Variants in MATN2 observed in about 807,000 individuals in gnomAD.
The protein encoded by MATN2 is matrilin-2.
MATN2 carries 69 observed loss-of-function variants against 103.2 expected under a neutral mutation model. The ratio of observed to expected loss-of-function variants is 0.67; its 90% confidence interval spans 0.55 to 0.82. MATN2 has a LOEUF of 0.82. MATN2 is among the 40% of genes least tolerant of loss of function. The probability of loss-of-function intolerance (pLI) is 0.00; values close to 1 mark genes in which losing one functional copy is unlikely to be tolerated. For synonymous variants in MATN2, 429 were observed against 450.2 expected (o/e 0.95, Z 0.60); for missense variants, 1,023 against 1,211.5 (o/e 0.84, Z 2.31).
chr8:97,986,320 T>G (rs998855341), intron 6 of MATN2, among the ~76,000 whole-genome samples: 1 of 152,222 alleles, frequency 6.6e-6, no homozygotes, highest in Non-Finnish European at 1.5e-5. Flanking sequence ...TTCAATAGGT[T>G]TTTGGGGAGC....
chr8:97,973,862 CATAAACCATACCCAT>C (rs1184546137), intron 5 of MATN2, among the ~76,000 whole-genome samples: 1 of 151,952 alleles, frequency 6.6e-6, no homozygotes, highest in Admixed American at 6.6e-5. Flanking sequence ...ATCTTTTTTG[CATAAACCATACCCAT>C]AATGTGTTGT....
At chr8:97,936,207 A>C (rs1421875020) in intron 3 of MATN2, among the ~76,000 whole-genome samples, 3 of 152,282 alleles carry the variant, frequency 2.0e-5, no homozygotes, top group African/African-American at 7.2e-5. Flanking sequence ...AAAACATGGA[A>C]TCTATGGGCT....
chr8:98,023,306 T>C (rs1243567194), intron 13 of MATN2, among the ~76,000 whole-genome samples: 2 of 152,038 alleles, frequency 1.3e-5, no homozygotes, highest in Non-Finnish European at 2.9e-5. Context: ...TGAGTCCCAG[T>C]TTCCCCATCT....
At chr8:97,968,255 T>C (rs765440834) in intron 5 of MATN2, among the ~76,000 whole-genome samples, 1 of 152,206 alleles carries the variant, frequency 6.6e-6, no homozygotes, top group Non-Finnish European at 1.5e-5. Flanking sequence ...GGGTGCTGCC[T>C]AGAAGATCTC....
At chr8:97,935,676 C>A (rs1044065454) in intron 3 of MATN2, among the ~76,000 whole-genome samples, 4 of 151,906 alleles carry the variant, frequency 2.6e-5, no homozygotes, top group Non-Finnish European at 5.9e-5. Context: ...AAAAAAGAAA[C>A]AATGTCTTAC....
At chr8:97,974,917 A>G (rs2130299276) in intron 5 of MATN2, among the ~76,000 whole-genome samples, 1 of 152,312 alleles carries the variant, frequency 6.6e-6, no homozygotes, top group African/African-American at 2.4e-5. Flanking sequence ...CACTCCCAGA[A>G]CTTCTGATCA....
At chr8:97,958,146 T>C (rs929546124) in intron 4 of MATN2, among the ~76,000 whole-genome samples, 1 of 152,250 alleles carries the variant, frequency 6.6e-6, no homozygotes, top group African/African-American at 2.4e-5. Context: ...TCTTCCTCCA[T>C]TATTATAAAA....
chr8:97,915,376 T>C (rs1317870544), intron 2 of MATN2, among the ~76,000 whole-genome samples: 6 of 152,190 alleles, frequency 3.9e-5, no homozygotes, highest in Non-Finnish European at 8.8e-5. Context: ...GTTCTCATAC[T>C]CTATCCCTAG....
In MATN2 at chr8:97,982,297, A is replaced by G. The variant is rs1190604521; in HGVS notation, c.1081+3289A>G. Among the ~76,000 whole-genome samples the G allele has an allele frequency of 6.6e-6, 1 of 152,212 alleles. No homozygotes were observed. Among genetic ancestry groups the G allele is most frequent in the Non-Finnish European group, 1.5e-5 (1 of 68,042 alleles). ...GGACAAGAACTGAGAAATAGAGACT[A>G]GTTAAAATTACAGAAACAGGATAGA... On this transcript the variant is annotated intron_variant, in intron 6 of 18. Transcript: ENST00000254898. This position sits in a 1 kb window ranked among gnomAD's most constrained non-coding sequence, Gnocchi z 4.3.
chr8:98,032,428 G>T, intron 16 of MATN2, 111 bp downstream of exon 16: 2 of 783,232 alleles, frequency 2.6e-6, no homozygotes, highest in South Asian at 3.4e-5. Context: ...TTATGATAAT[G>T]AAGGCCTTTT....
chr8:97,936,786 C>T (rs1027129021), intron 3 of MATN2, among the ~76,000 whole-genome samples: 1 of 152,156 alleles, frequency 6.6e-6, no homozygotes, highest in African/African-American at 2.4e-5. Flanking sequence ...TGGCTCTCAC[C>T]GCAAAGGCCC....
At position 97,931,110 on chromosome 8, in the gene MATN2, A is replaced by G. The variant is rs1563674610; in HGVS notation, c.300A>G (p.Gln100=). ...GPDVTRVGLL[Q]YGSTVKNEFS... ...ATGTCACCCGAGTGGGCCTGCTCCAATATGGCAGCACTGTCAAGAATGAGT... is the reference window on the plus strand; with the variant it reads ...ATGTCACCCGAGTGGGCCTGCTCCAGTATGGCAGCACTGTCAAGAATGAGT... The change falls in exon 3 of 19, where the codon CAA becomes CAG. Residue 100 remains glutamine, a synonymous_variant. Coordinates refer to ENST00000254898, the MANE Select transcript of MATN2 (RefSeq NM_002380.5). The surrounding 1 kb of genome is among the most constrained non-coding windows in gnomAD (Gnocchi z 4.1). 1 of 1,614,006 alleles carries G rather than the reference A, an allele frequency of 6.2e-7. No homozygotes were observed. Among genetic ancestry groups the G allele is most frequent in the East Asian group, 2.2e-5 (1 of 44,888 alleles).
chr8:97,888,166 G>T lies in MATN2; in HGVS notation c.66G>T (p.Glu22Asp), dbSNP rs534833968. The T allele has an allele frequency of 4.4e-6, 7 of 1,609,016 alleles. No individual in the cohort carries two copies. In the South Asian group the frequency reaches 6.7e-5, roughly 15 times the overall value. The part of the protein sequence containing the change: ...ILGQIVLLPA[E>D]ARERSRGRSI... Reference sequence around the variant, plus strand: ...GACAGATCGTCCTCCTCCCTGCCGAGGCCAGGGAGCGGTCACGTGGGAGGT... The same window carrying T: ...GACAGATCGTCCTCCTCCCTGCCGATGCCAGGGAGCGGTCACGTGGGAGGT... Residue 22 changes from glutamate (E) to aspartate (D), a missense_variant, in exon 2 of 19, where the codon GAG becomes GAT. By Grantham distance (45) the Glu-to-Asp change is conservative (BLOSUM62 2). Transcript: ENST00000254898.
intron 10 of MATN2, among the ~76,000 whole-genome samples, chr8:98,012,424 C>T (rs1023457597): frequency 1.4e-4 from 21 of 152,028 alleles, no homozygotes; most frequent in African/African-American, 5.1e-4. Flanking sequence ...TGGGAGCCTC[C>T]CCTAGTCTAG....
At chr8:97,875,317 C>G (rs1818032947) in intron 1 of MATN2, among the ~76,000 whole-genome samples, 1 of 152,150 alleles carries the variant, frequency 6.6e-6, no homozygotes, top group Non-Finnish European at 1.5e-5. Flanking sequence ...TTAAACTCTT[C>G]AAAATTTCTC....
At chr8:98,029,999 T>C (rs1813950526) in intron 14 of MATN2, among the ~76,000 whole-genome samples, 1 of 152,202 alleles carries the variant, frequency 6.6e-6, no homozygotes, top group Non-Finnish European at 1.5e-5. Flanking sequence ...TTAGCAGAAG[T>C]GGGCAAAAAG....
chr8:97,879,818 A>C (rs545302816), intron 1 of MATN2, among the ~76,000 whole-genome samples: 2 of 152,316 alleles, frequency 1.3e-5, no homozygotes, highest in South Asian at 4.1e-4. Flanking sequence ...ATCGCGGAGA[A>C]CTGAGGTCTA....
chr8:97,946,768 A>G (rs1322078558), intron 4 of MATN2, among the ~76,000 whole-genome samples: 2 of 152,196 alleles, frequency 1.3e-5, no homozygotes, highest in Non-Finnish European at 2.9e-5. Flanking sequence ...TCTTCTCTCA[A>G]GAACGATACC....
At chr8:97,998,443 A>T (rs1221021445) in intron 7 of MATN2, among the ~76,000 whole-genome samples, 1 of 148,884 alleles carries the variant, frequency 6.7e-6, no homozygotes, top group East Asian at 2.0e-4. Flanking sequence ...AATGGCGTGA[A>T]CCTGGGAGGC....
Sources: gnomAD v4.1 joint callset for allele counts (sites outside exome capture counted in the v4.1 genomes callset) on GRCh38, gnomAD v4.1.1 for gene constraint, Gnocchi (gnomAD v3.1) non-coding constraint, MANE v1.5 for transcripts, NCBI Gene and HGNC (gene_info 2026-07-23, HGNC 2026-07-21) for gene names.